Variants in SIGLEC6 observed in about 807,000 individuals in gnomAD.
SIGLEC6 encodes sialic acid-binding Ig-like lectin 6.
Under a neutral mutation model 41.4 loss-of-function variants are expected in SIGLEC6, and 31 were observed. That is an observed-to-expected ratio of 0.75 (90% CI 0.56 to 1.01). SIGLEC6 has a LOEUF of 1.01. SIGLEC6 is among the 50% of genes least tolerant of loss of function. SIGLEC6 has a pLI of 0.00. For missense variants in SIGLEC6, 555 were observed against 558.6 expected (o/e 0.99, Z 0.06); for synonymous variants, 217 against 231.0 (o/e 0.94, Z 0.55).
chr19:51,517,868 A>G lies in SIGLEC6; in HGVS notation c.*2214T>C, dbSNP rs1393445286. On this transcript the variant is annotated 3_prime_UTR_variant, in exon 8 of 8. Transcript: ENST00000425629. Reference sequence around the variant, plus strand: ...TTCTCTGGAAAAATATAAAGACTTTATGTAATATAAATTCTATTTACACTC... The same window carrying G: ...TTCTCTGGAAAAATATAAAGACTTTGTGTAATATAAATTCTATTTACACTC... Among the ~76,000 whole-genome samples the G allele has an allele frequency of 6.6e-6, 1 of 152,166 alleles. No homozygotes were observed.
intron 5 of SIGLEC6, chr19:51,529,431 C>G (rs1979806448): frequency 2.3e-6 from 1 of 442,560 alleles, no homozygotes; most frequent in Non-Finnish European, 4.2e-6. Context: ...GAGACTTGAG[C>G]TGAATCCCTG....
In SIGLEC6 at chr19:51,530,674, C is replaced by T; in HGVS notation, c.706+7G>A. 6.2e-7 allele frequency: 1 copy of T among 1,613,146 alleles called. No homozygotes were observed. Among genetic ancestry groups the T allele is most frequent in the Non-Finnish European group, 8.5e-7 (1 of 1,179,686 alleles). On this transcript the variant is annotated splice_region_variant and intron_variant, in intron 3 of 7. Coordinates refer to ENST00000425629, the MANE Select transcript of SIGLEC6 (RefSeq NM_001245.7). ...CAGGGACCCGGGCGTCCTGGCCCAG[C>T]ACTCACAGGAGACATTGAGCTGGAT...
chr19:51,527,213 T>C (rs1262113929), intron 7 of SIGLEC6, among the ~76,000 whole-genome samples: 3 of 152,112 alleles, frequency 2.0e-5, no homozygotes, highest in Non-Finnish European at 4.4e-5. Flanking sequence ...AGATAATATA[T>C]AAGACAACCA....
chr19:51,524,337 A>G (rs1978836393), intron 7 of SIGLEC6, among the ~76,000 whole-genome samples: 1 of 152,258 alleles, frequency 6.6e-6, no homozygotes. Flanking sequence ...TAGAGTGGTA[A>G]TATTAAATCA....
chr19:51,521,057 T>C (rs1041378260), intron 7 of SIGLEC6, among the ~76,000 whole-genome samples: 2 of 98,474 alleles, frequency 2.0e-5, no homozygotes, highest in African/African-American at 7.2e-5. Flanking sequence ...TTTTGAAATA[T>C]AAAGCAGGGG....
At chr19:51,523,547 G>T (rs10409713) in intron 7 of SIGLEC6, among the ~76,000 whole-genome samples, 89,084 of 152,026 alleles carry the variant, frequency 0.59, 26,394 homozygotes, top group Admixed American at 0.66. Context: ...ACAAGGAAAA[G>T]AAATGTGCCC....
chr19:51,527,868 G>C (rs373338310), intron 6 of SIGLEC6, 40 bp from the exon 7 acceptor site: 2 of 1,592,994 alleles, frequency 1.3e-6, no homozygotes, highest in Non-Finnish European at 1.7e-6. Context: ...TGGTTATTTG[G>C]AGCCTCTTTC....
chr19:51,531,294 T>A lies in SIGLEC6; in HGVS notation c.293A>T (p.Asp98Val), dbSNP rs1320919785. The change falls in exon 2 of 8, where the codon GAT (aspartate) becomes GTT (valine). Residue 98 changes from aspartate (D) to valine (V), a missense_variant. Coordinates refer to ENST00000425629, the MANE Select transcript of SIGLEC6 (RefSeq NM_001245.7). ...ETRGRFHLLW[D>V]PRRKNCSLSI... ...CAGGGAGCAGTTCTTCCTTCTGGGA[T>A]CCCAGAGGAGGTGGAATCGGCCCCG... The A allele has an allele frequency of 1.2e-6, 2 of 1,614,178 alleles. No individual in the cohort carries two copies. Among genetic ancestry groups the A allele is most frequent in the Admixed American group, 1.7e-5 (1 of 60,018 alleles).
rs1317225709 is a variant in SIGLEC6, at chr19:51,519,234, G to C, written c.*848C>G. Among the ~76,000 whole-genome samples the C allele has an allele frequency of 7.2e-6, 1 of 138,308 alleles. No homozygotes were observed. The allele number at this position is 138,308 out of a possible 152,430, so 90.7% of individuals were successfully genotyped here. On this transcript the variant is annotated 3_prime_UTR_variant, in exon 8 of 8. Transcript: ENST00000425629. ...GGTGTGAACCCAGGGGGCGAAGCTT[G>C]CACTGAGCCAAGATCGCACCACTGC... is the stretch of plus-strand genomic sequence containing the variant.
chr19:51,531,566 C>G lies in SIGLEC6; in HGVS notation c.67+16G>C, dbSNP rs753134234. Reference sequence around the variant, plus strand: ...CTCGGCCCAGCCCCACGGCACCTCTCCCCTGGCCCACTCACCTGCCCACAG... The same window carrying G: ...CTCGGCCCAGCCCCACGGCACCTCTGCCCTGGCCCACTCACCTGCCCACAG... On this transcript the variant is annotated intron_variant, in intron 1 of 7. Transcript: ENST00000425629. 6.2e-6 allele frequency: 10 copies of G among 1,613,858 alleles called. No individual in the cohort carries two copies. In the African/African-American group the frequency reaches 1.3e-4, roughly 22 times the overall value.
In SIGLEC6 at chr19:51,530,916, C is replaced by T. The variant is rs770913614; in HGVS notation, c.471G>A (p.Glu157=). Residue 157 remains glutamate, a synonymous_variant, in exon 3 of 8, where the codon GAG becomes GAA. Transcript: ENST00000425629. ...AGGTCAGATTGCTGGGATGGCCAGA[C>T]TCCAGGGTCCCTGGGATGGAGATGT... ...RPNISIPGTL[E]SGHPSNLTCS... The T allele has an allele frequency of 2.5e-6, 4 of 1,613,182 alleles. No homozygotes were observed. The highest frequency in any genetic ancestry group is 2.7e-5 in the African/African-American group (2 of 74,914).
intron 5 of SIGLEC6, among the ~76,000 whole-genome samples, chr19:51,529,001 CAAAAAA>C (rs3072157): frequency 1.1e-5 from 1 of 92,804 alleles, no homozygotes; most frequent in Non-Finnish European, 2.0e-5. Context: ...GACCCTCTCT[CAAAAAA>C]AAAAAAAAAA....
intron 5 of SIGLEC6, 95 bp downstream of exon 5, chr19:51,529,629 G>A (rs1600036978): frequency 6.6e-7 from 1 of 1,520,860 alleles, no homozygotes; most frequent in Non-Finnish European, 9.0e-7. Context: ...GGGGTCTGGG[G>A]AGGGAGGACA....
intron 5 of SIGLEC6, among the ~76,000 whole-genome samples, chr19:51,528,870 A>G (rs1979684996): frequency 6.6e-6 from 1 of 151,882 alleles, no homozygotes; most frequent in African/African-American, 2.4e-5. Context: ...AGTGCCAGCT[A>G]CTCGGGAGGC....
At chr19:51,526,776 C>T (rs776444682) in intron 7 of SIGLEC6, among the ~76,000 whole-genome samples, 6 of 152,106 alleles carry the variant, frequency 3.9e-5, no homozygotes, top group Non-Finnish European at 5.9e-5. Context: ...AAGTAGAAAC[C>T]CATTCCAGGG....
intron 7 of SIGLEC6, among the ~76,000 whole-genome samples, chr19:51,527,075 T>A (rs767245833): frequency 5.3e-5 from 8 of 152,142 alleles, no homozygotes; most frequent in Non-Finnish European, 1.0e-4. Flanking sequence ...CTCATTGGCA[T>A]CCCTGAAAGA....
intron 7 of SIGLEC6, among the ~76,000 whole-genome samples, chr19:51,523,320 C>T (rs570365475): frequency 6.6e-5 from 10 of 152,280 alleles, no homozygotes; most frequent in African/African-American, 2.2e-4. Context: ...TAAATAAGCA[C>T]AGCTTCATTG....
chr19:51,527,840 GC>G lies in SIGLEC6; in HGVS notation c.1107-13del. 1.2e-6 allele frequency: 2 copies of G among 1,612,606 alleles called. No individual in the cohort carries two copies. Among genetic ancestry groups the G allele is most frequent in the Non-Finnish European group, 1.7e-6 (2 of 1,179,186 alleles). ...TTCTAGTCTTCACTCTGAGGGAACA[GC>G]CCTAAGCCTTTCAGCCTGGTTATTT... On this transcript the variant is annotated splice_polypyrimidine_tract_variant and intron_variant, in intron 6 of 7. Transcript: ENST00000425629.
chr19:51,527,668 G>T, intron 7 of SIGLEC6, 79 bp downstream of exon 7: 2 of 1,234,726 alleles, frequency 1.6e-6, no homozygotes, highest in Non-Finnish European at 2.3e-6. Context: ...TGTTAATGAA[G>T]AAATGCCTCA....
Sources: gnomAD v4.1 joint callset for allele counts (sites outside exome capture counted in the v4.1 genomes callset) on GRCh38, gnomAD v4.1.1 for gene constraint, MANE v1.5 for transcripts, NCBI Gene and HGNC (gene_info 2026-07-23, HGNC 2026-07-21) for gene names.